SMYD2: variants seen among roughly 807,000 people sequenced by gnomAD.
The protein encoded by SMYD2 is N-lysine methyltransferase SMYD2.
A neutral mutation model predicts 59.1 loss-of-function variants in SMYD2; 53 were observed. That is an observed-to-expected ratio of 0.90 (90% CI 0.72 to 1.13). The LOEUF (loss-of-function observed/expected upper bound fraction) is 1.13, where lower values mean the gene tolerates loss of function less well. Ranked by LOEUF, SMYD2 falls within the 50% of genes most tolerant of loss-of-function variation. The pLI, the probability that SMYD2 is intolerant of heterozygous loss-of-function variation, is 0.00. For missense variants in SMYD2, 494 were observed against 544.7 expected (o/e 0.91, Z 0.93); for synonymous variants, 208 against 198.8 (o/e 1.05, Z -0.39).
chr1:214,336,609 C>G, intron 11 of SMYD2, 95 bp from the exon 12 acceptor site: 1 of 1,063,616 alleles, frequency 9.4e-7, no homozygotes. Context: ...GCATCCTGTG[C>G]CTTAAAGCAG....
In SMYD2 at chr1:214,314,857, G is replaced by C; in HGVS notation, c.333G>C (p.Arg111Ser). The change falls in exon 3 of 12, where the codon AGG becomes AGC. Residue 111 changes from arginine (R) to serine (S), a missense_variant. Coordinates refer to ENST00000366957, the MANE Select transcript of SMYD2 (RefSeq NM_020197.3). ...CGGAGACTGTAAGACTAACAGCAAG[G>C]ATTCTGGCCAAACAGGTGAGGAAAT... ...NPSETVRLTA[R>S]ILAKQKIHPE... 6.2e-7 allele frequency: 1 copy of C among 1,613,848 alleles called. No homozygotes were observed.
At chr1:214,328,581 C>T (rs1657298912) in intron 7 of SMYD2, among the ~76,000 whole-genome samples, 1 of 152,222 alleles carries the variant, frequency 6.6e-6, no homozygotes, top group Non-Finnish European at 1.5e-5. Context: ...TGTAATCACA[C>T]TTGGGTTAAT....
At chr1:214,285,527 C>A (rs1003073922) in intron 1 of SMYD2, among the ~76,000 whole-genome samples, 12 of 152,106 alleles carry the variant, frequency 7.9e-5, no homozygotes, top group Non-Finnish European at 1.5e-4. Flanking sequence ...TAAAGGGGTT[C>A]CCCTTCTTTT....
intron 1 of SMYD2, among the ~76,000 whole-genome samples, chr1:214,283,699 C>G (rs1656485318): frequency 6.6e-6 from 1 of 152,146 alleles, no homozygotes; most frequent in Non-Finnish European, 1.5e-5. Flanking sequence ...CATAGGGCCT[C>G]AAAGTATAGG....
At chr1:214,326,699 C>G (rs554701789) in intron 6 of SMYD2, among the ~76,000 whole-genome samples, 145 of 152,270 alleles carry the variant, frequency 9.5e-4, no homozygotes, top group African/African-American at 3.3e-3. Context: ...TCATCCTCAT[C>G]AGGCTTCGAA....
chr1:214,329,104 G>T (rs1425249980), intron 7 of SMYD2, among the ~76,000 whole-genome samples: 1 of 152,230 alleles, frequency 6.6e-6, no homozygotes, highest in Non-Finnish European at 1.5e-5. Context: ...AGGGGTGGCT[G>T]CAGTTTCCTT....
intron 8 of SMYD2, 33 bp from the exon 9 acceptor site, chr1:214,330,917 G>A: frequency 1.2e-6 from 2 of 1,613,242 alleles, no homozygotes; most frequent in Non-Finnish European, 1.7e-6. Flanking sequence ...TCCATGGGCG[G>A]TAACGCCTTG....
chr1:214,315,436 A>G (rs1657069893), intron 3 of SMYD2, among the ~76,000 whole-genome samples: 2 of 152,148 alleles, frequency 1.3e-5, no homozygotes, highest in South Asian at 4.1e-4. Flanking sequence ...AAAAAAGTGA[A>G]GAAGAAGGAA....
intron 1 of SMYD2, among the ~76,000 whole-genome samples, chr1:214,297,166 A>C (rs1440983154): frequency 6.6e-6 from 1 of 152,164 alleles, no homozygotes; most frequent in Non-Finnish European, 1.5e-5. Context: ...GCTTTCTAAA[A>C]GTCCTAGTGC....
At chr1:214,314,727 C>G in intron 2 of SMYD2, 35 bp from the exon 3 acceptor site, 1 of 1,516,476 alleles carries the variant, frequency 6.6e-7, no homozygotes, top group South Asian at 1.1e-5. Flanking sequence ...AGTGTATGTG[C>G]TATTTTTTAA....
intron 1 of SMYD2, among the ~76,000 whole-genome samples, chr1:214,302,422 C>T (rs1656840551): frequency 6.6e-6 from 1 of 151,790 alleles, no homozygotes; most frequent in Admixed American, 6.6e-5. Flanking sequence ...GGAACCTTTA[C>T]GCCTTACGCC....
At chr1:214,313,848 C>T (rs1369634432) in intron 2 of SMYD2, among the ~76,000 whole-genome samples, 1 of 152,134 alleles carries the variant, frequency 6.6e-6, no homozygotes, top group Admixed American at 6.5e-5. Flanking sequence ...ATCCCTCTAC[C>T]CGGGGCAGGG....
chr1:214,297,928 C>T (rs933729726), intron 1 of SMYD2, among the ~76,000 whole-genome samples: 2 of 152,162 alleles, frequency 1.3e-5, no homozygotes, highest in African/African-American at 4.8e-5. Flanking sequence ...GAAAAACATT[C>T]CATTCTCATG....
At chr1:214,328,755 G>T in intron 7 of SMYD2, among the ~76,000 whole-genome samples, 1 of 152,210 alleles carries the variant, frequency 6.6e-6, no homozygotes, top group East Asian at 1.9e-4. Flanking sequence ...CCAAGATGCA[G>T]GCAGGTTGGC....
chr1:214,296,794 G>A (rs1345942230), intron 1 of SMYD2, among the ~76,000 whole-genome samples: 3 of 151,946 alleles, frequency 2.0e-5, no homozygotes, highest in Non-Finnish European at 4.4e-5. Flanking sequence ...AGAGAGGGAA[G>A]TGGGAAGAGT....
intron 1 of SMYD2, among the ~76,000 whole-genome samples, chr1:214,298,249 G>T (rs1656764774): frequency 6.6e-6 from 1 of 151,956 alleles, no homozygotes; most frequent in African/African-American, 2.4e-5. Flanking sequence ...AAGTAAAGCT[G>T]CACACCTACA....
At chr1:214,286,732 C>T (rs1656552599) in intron 1 of SMYD2, among the ~76,000 whole-genome samples, 1 of 135,802 alleles carries the variant, frequency 7.4e-6, no homozygotes. Context: ...CACGCCACTG[C>T]ACTCTAGCCT....
intron 1 of SMYD2, among the ~76,000 whole-genome samples, chr1:214,295,583 A>T (rs1656712645): frequency 6.6e-6 from 1 of 152,120 alleles, no homozygotes; most frequent in Non-Finnish European, 1.5e-5. Flanking sequence ...TACTGCCCTA[A>T]ATATTTCCTG....
intron 1 of SMYD2, among the ~76,000 whole-genome samples, chr1:214,287,962 C>T (rs77309688): frequency 4.6e-5 from 7 of 152,166 alleles, no homozygotes; most frequent in Admixed American, 2.6e-4. Context: ...CAGTAACTCA[C>T]GTTATTTTTC....
Sources: gnomAD v4.1 joint callset for allele counts (sites outside exome capture counted in the v4.1 genomes callset) on GRCh38, gnomAD v4.1.1 for gene constraint, MANE v1.5 for transcripts, NCBI Gene and HGNC (gene_info 2026-07-23, HGNC 2026-07-21) for gene names.